Variants in CACNA1C observed in about 807,000 individuals in gnomAD.
CACNA1C encodes calcium voltage-gated channel subunit alpha1 C, also known as voltage-dependent L-type calcium channel subunit alpha-1C.
In CACNA1C, 30 loss-of-function variants were observed where a neutral mutation model predicts 229.0. The ratio of observed to expected loss-of-function variants is 0.13; its 90% CI spans 0.10 to 0.18. CACNA1C has a LOEUF of 0.18. Ranked by LOEUF, CACNA1C falls within the 10% of genes least tolerant of loss-of-function variation. The pLI is 1.00. For missense variants in CACNA1C, 1,658 were observed against 2,845.0 expected, an observed-to-expected ratio of 0.58 and a Z score of 9.49; for synonymous variants, 1,114 against 1,132.5, an observed-to-expected ratio of 0.98 and a Z score of 0.33.
chr12:2,376,589 GC>G (rs958784307), intron 3 of CACNA1C, among the ~76,000 whole-genome samples: 1 of 152,162 alleles, frequency 6.6e-6, no homozygotes, highest in African/African-American at 2.4e-5. Context: ...AACTTTGCTT[GC>G]TTCCCAAGGA....
chr12:2,070,699 A>G (rs1430609868), intron 1 of CACNA1C, among the ~76,000 whole-genome samples: 1 of 152,188 alleles, frequency 6.6e-6, no homozygotes, highest in African/African-American at 2.4e-5. Context: ...AGTGTTACGC[A>G]GTTTTACAAT....
At chr12:2,257,553 G>GTCC (rs2078451538) in intron 3 of CACNA1C, among the ~76,000 whole-genome samples, 2 of 152,200 alleles carry the variant, frequency 1.3e-5, no homozygotes, top group African/African-American at 2.4e-5. Flanking sequence ...GATCTGACAG[G>GTCC]AGCTGGAGCT....
At chr12:2,431,411 A>G (rs997740873) in intron 3 of CACNA1C, among the ~76,000 whole-genome samples, 4 of 152,120 alleles carry the variant, frequency 2.6e-5, no homozygotes, top group Non-Finnish European at 5.9e-5. Flanking sequence ...ATTAGAACCC[A>G]AGATTCCTGG....
intron 1 of CACNA1C, among the ~76,000 whole-genome samples, chr12:2,009,842 TACGTG>T: frequency 6.6e-6 from 1 of 152,314 alleles, no homozygotes; most frequent in African/African-American, 2.4e-5. Flanking sequence ...TCTTTCTATC[TACGTG>T]ACCTTCAACA....
chr12:2,176,423 T>C (rs572303443), intron 3 of CACNA1C, among the ~76,000 whole-genome samples: 6 of 152,244 alleles, frequency 3.9e-5, no homozygotes, highest in African/African-American at 1.4e-4. Context: ...AGGTATAGTC[T>C]GACTCACGTT....
chr12:2,614,920 A>G (rs2079685391), intron 29 of CACNA1C: 1 of 152,096 alleles, frequency 6.6e-6, no homozygotes, highest in Non-Finnish European at 1.5e-5. Flanking sequence ...TTACTCAAGT[A>G]AGTCCCTGCC....
At chr12:2,619,846 T>C (rs2082398544) in intron 29 of CACNA1C, among the ~76,000 whole-genome samples, 1 of 152,094 alleles carries the variant, frequency 6.6e-6, no homozygotes. Flanking sequence ...AGGGACTCAA[T>C]CATGAATACA....
intron 3 of CACNA1C, among the ~76,000 whole-genome samples, chr12:2,253,377 A>T (rs1337582587): frequency 1.3e-5 from 2 of 152,246 alleles, no homozygotes; most frequent in Non-Finnish European, 2.9e-5. Flanking sequence ...TTCTGAGTTT[A>T]TAAGGGGCAG....
chr12:2,604,858 G>A (rs2074520602), intron 22 of CACNA1C, among the ~76,000 whole-genome samples: 1 of 152,146 alleles, frequency 6.6e-6, no homozygotes, highest in South Asian at 2.1e-4. Context: ...ATATTATTTA[G>A]TCACCCACAG....
intron 7 of CACNA1C, among the ~76,000 whole-genome samples, chr12:2,501,202 T>A (rs1598243281): frequency 1.6e-5 from 1 of 61,554 alleles, no homozygotes; most frequent in East Asian, 7.0e-4. Flanking sequence ...AGAGTGAGAC[T>A]CCACCTCAAA....
chr12:2,229,640 T>A (rs185107814), intron 3 of CACNA1C, among the ~76,000 whole-genome samples: 53 of 152,224 alleles, frequency 3.5e-4, no homozygotes, highest in Admixed American at 1.0e-3. Context: ...AGGGAAGGCC[T>A]CCGCAGGGGA....
At chr12:2,616,025 CAG>C (rs1458352449) in intron 29 of CACNA1C, among the ~76,000 whole-genome samples, 1 of 152,192 alleles carries the variant, frequency 6.6e-6, no homozygotes, top group Non-Finnish European at 1.5e-5. Flanking sequence ...CCATCCCACT[CAG>C]GGAGTAGCCA....
chr12:2,353,958 G>A (rs372215526), intron 3 of CACNA1C, among the ~76,000 whole-genome samples: 4 of 152,246 alleles, frequency 2.6e-5, no homozygotes, highest in East Asian at 3.9e-4. Flanking sequence ...AGGATGAGAC[G>A]CTAGTCATGT....
chr12:2,587,249 T>G (rs2062911934), intron 18 of CACNA1C, among the ~76,000 whole-genome samples: 1 of 152,228 alleles, frequency 6.6e-6, no homozygotes, highest in South Asian at 2.1e-4. Context: ...GGAACAAGAT[T>G]AGCAAAATGT....
chr12:2,059,211 C>T (rs567486742), intron 1 of CACNA1C, among the ~76,000 whole-genome samples: 1 of 152,222 alleles, frequency 6.6e-6, no homozygotes, highest in Admixed American at 6.5e-5. Flanking sequence ...TGGCTGGAGC[C>T]TCCGAGAGCT....
intron 9 of CACNA1C, among the ~76,000 whole-genome samples, chr12:2,522,542 A>C (rs1210961837): frequency 6.6e-6 from 1 of 152,128 alleles, no homozygotes; most frequent in Non-Finnish European, 1.5e-5. Flanking sequence ...GAAAGTTTGG[A>C]AGGAGTTAGA....
chr12:2,628,238 C>G (rs1288624917), intron 29 of CACNA1C, among the ~76,000 whole-genome samples: 1 of 152,210 alleles, frequency 6.6e-6, no homozygotes, highest in Non-Finnish European at 1.5e-5. Context: ...CCTCGCAGCT[C>G]TCCTGTAACA....
At chr12:2,227,180 C>T (rs2063258079) in intron 3 of CACNA1C, among the ~76,000 whole-genome samples, 2 of 152,190 alleles carry the variant, frequency 1.3e-5, no homozygotes, top group South Asian at 4.1e-4. Context: ...GATCTCCTTC[C>T]AGCTCCTCGC....
intron 8 of CACNA1C, among the ~76,000 whole-genome samples, chr12:2,507,150 C>A (rs570944640): frequency 1.3e-5 from 2 of 152,166 alleles, no homozygotes; most frequent in African/African-American, 4.8e-5. Flanking sequence ...TGAGTCGATA[C>A]GCTGGTCTTT....
Sources: gnomAD v4.1 joint callset for allele counts (sites outside exome capture counted in the v4.1 genomes callset) on GRCh38, gnomAD v4.1.1 for gene constraint, MANE v1.5 for transcripts, NCBI Gene and HGNC (gene_info 2026-07-23, HGNC 2026-07-21) for gene names.